Variants in ZNF395 observed in about 807,000 individuals in gnomAD.
ZNF395 encodes zinc finger protein 395.
In ZNF395, 20 loss-of-function variants were observed where a neutral mutation model predicts 57.7. The ratio of observed to expected loss-of-function variants is 0.35; its 90% confidence interval spans 0.24 to 0.50. ZNF395 has a LOEUF of 0.50. Among genes scored for constraint, ZNF395 ranks in the 20% least tolerant of loss-of-function variants. The probability of loss-of-function intolerance (pLI) is 0.97; values close to 1 mark genes in which losing one functional copy is unlikely to be tolerated. For missense variants in ZNF395, 606 were observed against 671.2 expected (o/e 0.90, Z 1.07); for synonymous variants, 295 against 275.9 (o/e 1.07, Z -0.69).
At chr8:28,378,127 C>A (rs188261523) in intron 1 of ZNF395, among the ~76,000 whole-genome samples, 6 of 152,276 alleles carry the variant, frequency 3.9e-5, no homozygotes, top group Admixed American at 2.0e-4. Flanking sequence ...GGCCCCCCAC[C>A]ACCACCAACC....
In ZNF395 at chr8:28,348,619, G is replaced by T. The variant is rs939751865; in HGVS notation, c.*100C>A. The T allele has an allele frequency of 2.7e-6, 3 of 1,091,262 alleles. No individual in the cohort carries two copies. The highest frequency in any genetic ancestry group is 4.2e-6 in the Non-Finnish European group (3 of 715,188). 67.6% of individuals were successfully genotyped at this position (1,091,262 alleles called of 1,614,324 possible). On this transcript the variant is annotated 3_prime_UTR_variant, in exon 10 of 10. Coordinates refer to ENST00000344423, the MANE Select transcript of ZNF395 (RefSeq NM_018660.3). ...AACAGAGCCCAAACTCCGTGTTTCCGTTCTTTCTCTTTCGGTTTCTGCTGA... is the reference window on the plus strand; with the variant it reads ...AACAGAGCCCAAACTCCGTGTTTCCTTTCTTTCTCTTTCGGTTTCTGCTGA...
intron 1 of ZNF395, among the ~76,000 whole-genome samples, chr8:28,385,736 C>T (rs1176894179): frequency 1.3e-5 from 2 of 148,334 alleles, no homozygotes; most frequent in South Asian, 2.1e-4. Context: ...GGGCGAGTCC[C>T]GACTGCCCGA....
intron 9 of ZNF395, 93 bp downstream of exon 9, chr8:28,349,032 C>G (rs1474754711): frequency 1.4e-5 from 18 of 1,329,024 alleles, no homozygotes; most frequent in African/African-American, 4.4e-5. Context: ...TGGGGACTAA[C>G]CCTGGTGACT....
chr8:28,375,600 G>C (rs546182929), intron 1 of ZNF395, among the ~76,000 whole-genome samples: 2 of 152,178 alleles, frequency 1.3e-5, no homozygotes, highest in African/African-American at 4.8e-5. Context: ...CTTAAGATCT[G>C]TGCTGTATGT....
chr8:28,375,518 C>G (rs145956896), intron 1 of ZNF395: 7 of 152,120 alleles, frequency 4.6e-5, no homozygotes, highest in African/African-American at 1.7e-4. Context: ...GAAGTGGTCA[C>G]GAGGAACTCA....
Position 28,359,470 on chromosome 8 carries a change from C to G in ZNF395, c.473+122G>C. On this transcript the variant is annotated intron_variant, in intron 3 of 9. Coordinates refer to ENST00000344423, the MANE Select transcript of ZNF395 (RefSeq NM_018660.3). This position sits in a 1 kb window ranked among gnomAD's most constrained non-coding sequence, Gnocchi z 4.7. Reference sequence around the variant, plus strand: ...TCCCCTTTTCTGTGTCCCATTTGTCCCAATATCTTGGCACCCAGATGCCAA... The same window carrying G: ...TCCCCTTTTCTGTGTCCCATTTGTCGCAATATCTTGGCACCCAGATGCCAA... 7.3e-7 allele frequency: 1 copy of G among 1,377,208 alleles called. No individual in the cohort carries two copies. 85.3% of individuals were successfully genotyped at this position (1,377,208 alleles called of 1,614,324 possible).
intron 3 of ZNF395, among the ~76,000 whole-genome samples, chr8:28,358,188 T>C (rs1329570786): frequency 1.4e-5 from 2 of 138,604 alleles, no homozygotes; most frequent in African/African-American, 5.4e-5. Flanking sequence ...GCAGTCTCAC[T>C]CTGTCACCCA....
At chr8:28,362,198 T>C (rs1801858196) in intron 1 of ZNF395, among the ~76,000 whole-genome samples, 1 of 152,120 alleles carries the variant, frequency 6.6e-6, no homozygotes, top group Non-Finnish European at 1.5e-5. Context: ...GCAAAGGTAG[T>C]TGGTGCAAGA....
intron 1 of ZNF395, among the ~76,000 whole-genome samples, chr8:28,370,746 G>A (rs1043482786): frequency 2.6e-5 from 4 of 152,146 alleles, no homozygotes; most frequent in African/African-American, 9.7e-5. Context: ...ACACAACTGA[G>A]GGGGCTGACA....
At position 28,356,170 on chromosome 8, in the gene ZNF395, T is replaced by G. The variant is rs1029707018; in HGVS notation, c.583+500A>C. Among the ~76,000 whole-genome samples the G allele has an allele frequency of 2.6e-5, 4 of 152,194 alleles. No homozygotes were observed. The highest frequency in any genetic ancestry group is 9.7e-5 in the African/African-American group (4 of 41,432). Reference sequence around the variant, plus strand: ...ATTTGCCTTGAAGTTGAATCACTGGTTTTTATTAAGCAATTAGATTTACTT... The same window carrying G: ...ATTTGCCTTGAAGTTGAATCACTGGGTTTTATTAAGCAATTAGATTTACTT... On this transcript the variant is annotated intron_variant, in intron 4 of 9. Transcript: ENST00000344423. This position sits in a 1 kb window ranked among gnomAD's most constrained non-coding sequence, Gnocchi z 4.0.
chr8:28,350,423 T>C (rs1801667590), intron 7 of ZNF395, among the ~76,000 whole-genome samples: 1 of 152,178 alleles, frequency 6.6e-6, no homozygotes, highest in African/African-American at 2.4e-5. Flanking sequence ...CATGACTTAA[T>C]CACCGCAGAA....
At chr8:28,360,817 AG>A (rs1285575261) in intron 2 of ZNF395, 67 bp downstream of exon 2, 10 of 1,572,206 alleles carry the variant, frequency 6.4e-6, no homozygotes, top group Non-Finnish European at 8.6e-6. Flanking sequence ...GCCTGTCACT[AG>A]GGCACCCCAG....
chr8:28,374,085 A>C (rs1259069630), intron 1 of ZNF395, among the ~76,000 whole-genome samples: 2 of 152,164 alleles, frequency 1.3e-5, no homozygotes, highest in Non-Finnish European at 2.9e-5. Flanking sequence ...AGTGCCCATG[A>C]ATTAGGGAAA....
chr8:28,378,516 C>T (rs1377680709), intron 1 of ZNF395, among the ~76,000 whole-genome samples: 1 of 152,246 alleles, frequency 6.6e-6, no homozygotes, highest in Non-Finnish European at 1.5e-5. Flanking sequence ...GCTGAGATTA[C>T]AGGCGTGAGT....
intron 8 of ZNF395, among the ~76,000 whole-genome samples, chr8:28,349,561 G>C (rs1356307764): frequency 6.6e-6 from 1 of 152,228 alleles, no homozygotes; most frequent in Non-Finnish European, 1.5e-5. Context: ...GATTTACAGT[G>C]TGACACCGCC....
intron 5 of ZNF395, 142 bp downstream of exon 5, chr8:28,353,031 G>A (rs951397607): frequency 2.8e-6 from 2 of 715,628 alleles, no homozygotes; most frequent in Admixed American, 5.1e-5. Flanking sequence ...CCAGGTAACA[G>A]AAGCAGCAAT....
At chr8:28,384,752 A>G (rs1476786396) in intron 1 of ZNF395, among the ~76,000 whole-genome samples, 1 of 152,008 alleles carries the variant, frequency 6.6e-6, no homozygotes, top group Non-Finnish European at 1.5e-5. Context: ...CCCTTCCCCA[A>G]TCTCGTTTTT....
rs1362041332 is a variant in ZNF395, at chr8:28,348,179, G to A, written c.*540C>T. 1.3e-5 allele frequency: 2 copies of A among 152,362 alleles called. No individual in the cohort carries two copies. Among genetic ancestry groups the A allele is most frequent in the African/African-American group, 4.8e-5 (2 of 41,310 alleles). 9.4% of individuals were successfully genotyped at this position (152,362 alleles called of 1,614,324 possible). A position where few individuals can be genotyped will look rare whatever the true frequency, so the allele number is the denominator to read the frequency against. ...CAGGATGCTCAGACAGGGAACAGGAGGTACCCTCCGAGAAGGGCAAACCCC... is the reference window on the plus strand; with the variant it reads ...CAGGATGCTCAGACAGGGAACAGGAAGTACCCTCCGAGAAGGGCAAACCCC... On this transcript the variant is annotated 3_prime_UTR_variant, in exon 10 of 10. Coordinates refer to ENST00000344423, the MANE Select transcript of ZNF395 (RefSeq NM_018660.3).
At chr8:28,373,440 T>C (rs1192840674) in intron 1 of ZNF395, among the ~76,000 whole-genome samples, 1 of 152,242 alleles carries the variant, frequency 6.6e-6, no homozygotes. Flanking sequence ...AACAGCCACG[T>C]GGCCGCATTC....
Sources: allele counts gnomAD v4.1 joint callset (sites outside exome capture counted in the v4.1 genomes callset), GRCh38; gene constraint gnomAD v4.1.1; non-coding constraint Gnocchi (gnomAD v3.1); transcripts MANE v1.5; gene names NCBI Gene and HGNC (gene_info 2026-07-23, HGNC 2026-07-21).